USP54: variants seen among roughly 807,000 people sequenced by gnomAD.
The protein encoded by USP54 is ubiquitin specific peptidase 54, also known as ubiquitin carboxyl-terminal hydrolase 54.
USP54 carries 87 observed loss-of-function variants against 170.5 expected under a neutral mutation model. That is an observed-to-expected ratio of 0.51 (90% CI 0.43 to 0.61). The LOEUF is 0.61. USP54 is among the 20% of genes least tolerant of loss of function. USP54 has a pLI of 0.00. For synonymous variants in USP54, 655 were observed against 742.8 expected (o/e 0.88, Z 1.92); for missense variants, 1,786 against 2,047.8 (o/e 0.87, Z 2.47).
chr10:73,536,314 C>T lies in USP54; in HGVS notation c.1099G>A (p.Glu367Lys). 6.2e-7 allele frequency: 1 copy of T among 1,614,144 alleles called. No homozygotes were observed. The highest frequency in any genetic ancestry group is 2.2e-5 in the East Asian group (1 of 44,866). The change falls in exon 11 of 24, where the codon GAG becomes AAG. Residue 367 changes from glutamate (E) to lysine (K), a missense_variant. Physicochemically the swap from Glu to Lys is moderately conservative, Grantham distance 56. Transcript: ENST00000687698. ...VSTQDLPPQA[E>K]FQSYSRTCYD... ...CATGTCCTGCTGTATGACTGGAACTCAGCTTGGGGAGGCAGGTCCTGGGTG... is the reference window on the plus strand; with the variant it reads ...CATGTCCTGCTGTATGACTGGAACTTAGCTTGGGGAGGCAGGTCCTGGGTG...
rs2057373917 is a variant in USP54, at chr10:73,498,222, C to T, written c.*407G>A. 6.4e-6 allele frequency: 1 copy of T among 155,784 alleles called. No homozygotes were observed. The highest frequency in any genetic ancestry group is 1.4e-5 in the Non-Finnish European group (1 of 70,182). The allele number at this position is 155,784 out of a possible 1,614,324, so 9.7% of individuals were successfully genotyped here. A position where few individuals can be genotyped will look rare whatever the true frequency, so the allele number is the denominator to read the frequency against. On this transcript the variant is annotated 3_prime_UTR_variant, in exon 24 of 24. Transcript: ENST00000687698. ...ATTCTATGTTGAGATGAGAATAGCA[C>T]AACCATGGCAGTGATGCAGGGTACC...
At chr10:73,592,864 C>T (rs187089916), upstream of USP54, among the ~76,000 whole-genome samples, 70 of 152,268 alleles carry the variant, frequency 4.6e-4, 1 homozygote, top group Non-Finnish European at 7.2e-4. Flanking sequence ...CAGAAAACAC[C>T]TCCCATAAAA....
chr10:73,509,438 C>T (rs547827142), intron 20 of USP54, among the ~76,000 whole-genome samples: 1 of 140,756 alleles, frequency 7.1e-6, no homozygotes, highest in East Asian at 2.1e-4. Context: ...CCTGTCTCTA[C>T]CAAAAAAAAA....
At chr10:73,610,309 C>A (rs2080035741) in intron 1 of USP54, among the ~76,000 whole-genome samples, 1 of 152,150 alleles carries the variant, frequency 6.6e-6, no homozygotes, top group Non-Finnish European at 1.5e-5. Context: ...CACTGACTTC[C>A]TGCCAGCTTT....
intron 10 of USP54, among the ~76,000 whole-genome samples, chr10:73,536,650 T>C (rs766937483): frequency 1.1e-4 from 17 of 152,158 alleles, no homozygotes; most frequent in Admixed American, 3.3e-4. Context: ...TAAAATCCTA[T>C]AGGAGAATAA....
At chr10:73,532,207 C>T (rs1483300423) in intron 12 of USP54, among the ~76,000 whole-genome samples, 2 of 151,776 alleles carry the variant, frequency 1.3e-5, no homozygotes, top group East Asian at 1.9e-4. Context: ...GAGTCTCGCT[C>T]TGTCACCCAG....
At position 73,529,363 on chromosome 10, in the gene USP54, G is replaced by C. The variant is rs79543298; in HGVS notation, c.2060+317C>G. ...TTAGTGAGTACTAGCTTAATATGTG[G>C]GTAACAAAATAATCTGTACAATGAA... On this transcript the variant is annotated intron_variant, in intron 15 of 23. Coordinates refer to ENST00000687698, the MANE Select transcript of USP54 (RefSeq NM_001391956.1). 1.2e-3 allele frequency: 451 copies of C among 365,890 alleles called. 3 individuals carry two copies. The highest frequency in any genetic ancestry group is 6.0e-3 in the African/African-American group (285 of 47,698). The allele number at this position is 365,890 out of a possible 1,614,324, so 22.7% of individuals were successfully genotyped here. A position where few individuals can be genotyped will look rare whatever the true frequency, so the allele number is the denominator to read the frequency against.
In USP54 at chr10:73,615,577, C is replaced by T. The variant is rs2080554533; in HGVS notation, c.-18+9990G>A. On this transcript the variant is annotated intron_variant, in intron 1 of 22. Transcript: ENST00000339859. ...TGCCCATATCAAAACATCTCATGTA[C>T]CCAATAAATATACACACCTACTATG... 1.3e-5 allele frequency among the ~76,000 whole-genome samples: 2 copies of T among 150,016 alleles called. 1 individual carries two copies. The highest frequency in any genetic ancestry group is 5.1e-5 in the African/African-American group (2 of 39,512).
intron 1 of USP54, among the ~76,000 whole-genome samples, chr10:73,621,831 A>G (rs1037649153): frequency 6.6e-6 from 1 of 152,230 alleles, no homozygotes; most frequent in Non-Finnish European, 1.5e-5. Flanking sequence ...TCAATTCTCT[A>G]TATAACAATA....
At chr10:73,570,026 G>A (rs986062024) in intron 4 of USP54, among the ~76,000 whole-genome samples, 1 of 142,478 alleles carries the variant, frequency 7.0e-6, no homozygotes. Context: ...TAAAGTTTTT[G>A]GTTACAGTTC....
intron 12 of USP54, among the ~76,000 whole-genome samples, chr10:73,532,874 T>C (rs754074387): frequency 2.7e-4 from 41 of 152,208 alleles, no homozygotes; most frequent in Non-Finnish European, 4.1e-4. Flanking sequence ...ACTTATCAAC[T>C]CATCAGAATG....
intron 18 of USP54, 27 bp downstream of exon 18, chr10:73,520,881 A>G (rs753706311): frequency 6.2e-7 from 1 of 1,613,776 alleles, no homozygotes; most frequent in East Asian, 2.2e-5. Context: ...CAAAAGTGCC[A>G]CAGCCATAGC....
chr10:73,594,772 C>T (rs542737291), upstream of USP54, among the ~76,000 whole-genome samples: 53 of 152,048 alleles, frequency 3.5e-4, 2 homozygotes, highest in South Asian at 9.4e-3. Context: ...AAATTAGAGA[C>T]GGACTTGATC....
At chr10:73,571,351 C>A in intron 4 of USP54, 70 bp downstream of exon 4, 2 of 1,347,476 alleles carry the variant, frequency 1.5e-6, no homozygotes, top group South Asian at 1.3e-5. Flanking sequence ...TCCTGATTAA[C>A]CAAACCACCT....
At chr10:73,573,001 T>C (rs1365110879) in intron 3 of USP54, among the ~76,000 whole-genome samples, 1 of 152,124 alleles carries the variant, frequency 6.6e-6, no homozygotes, top group Non-Finnish European at 1.5e-5. Flanking sequence ...AACTAATATG[T>C]GGCCAGGTGT....
intron 23 of USP54, chr10:73,499,483 G>A: frequency 6.5e-6 from 2 of 307,648 alleles, no homozygotes; most frequent in Non-Finnish European, 6.0e-6. Flanking sequence ...ACAAAAGAAG[G>A]GCTCCCTAAT....
intron 19 of USP54, 142 bp downstream of exon 19, chr10:73,519,655 G>T: frequency 7.7e-7 from 1 of 1,304,148 alleles, no homozygotes; most frequent in Non-Finnish European, 1.0e-6. Flanking sequence ...TTCACTGTAT[G>T]TCTGACCTGA....
chr10:73,523,093 A>G (rs2062175785), intron 17 of USP54, among the ~76,000 whole-genome samples: 1 of 152,204 alleles, frequency 6.6e-6, no homozygotes, highest in Non-Finnish European at 1.5e-5. Context: ...TGTGGAAGTA[A>G]AGTCCATGCA....
At chr10:73,598,736 C>T (rs1031507105) in intron 1 of USP54, among the ~76,000 whole-genome samples, 71 of 152,230 alleles carry the variant, frequency 4.7e-4, no homozygotes, top group African/African-American at 1.5e-3. Flanking sequence ...ATGGTGAAAC[C>T]GCATCTCTAC....
Sources: allele counts gnomAD v4.1 joint callset (sites outside exome capture counted in the v4.1 genomes callset), GRCh38; gene constraint gnomAD v4.1.1; transcripts MANE v1.5; gene names NCBI Gene and HGNC (gene_info 2026-07-23, HGNC 2026-07-21).